Variants in CRTC1 observed in about 807,000 individuals in gnomAD.
CRTC1 encodes CREB regulated transcription coactivator 1.
Under a neutral mutation model 66.1 loss-of-function variants are expected in CRTC1, and 18 were observed. The observed-to-expected ratio is 0.27, with a 90% CI of 0.19 to 0.40. The LOEUF is 0.40. Ranked by LOEUF, CRTC1 falls within the 10% of genes least tolerant of loss-of-function variation. The probability of loss-of-function intolerance (pLI) is 1.00; values close to 1 mark genes in which losing one functional copy is unlikely to be tolerated. For missense variants in CRTC1, 669 were observed against 887.9 expected, an observed-to-expected ratio of 0.75 and a Z score of 3.13; for synonymous variants, 416 against 398.8, an observed-to-expected ratio of 1.04 and a Z score of -0.51.
chr19:18,724,367 G>A (rs745768076), intron 1 of CRTC1, among the ~76,000 whole-genome samples: 11 of 152,084 alleles, frequency 7.2e-5, no homozygotes, highest in Non-Finnish European at 1.5e-4. Context: ...CAAGGGACCT[G>A]GGGTGTTCAG....
intron 11 of CRTC1, among the ~76,000 whole-genome samples, chr19:18,773,573 C>T (rs1182078860): frequency 1.3e-5 from 2 of 152,178 alleles, no homozygotes; most frequent in Non-Finnish European, 2.9e-5. Context: ...ACCAGCTCTA[C>T]GACAGCCAGG....
chr19:18,747,196 C>A, intron 4 of CRTC1, 82 bp downstream of exon 4: 1 of 1,082,400 alleles, frequency 9.2e-7, no homozygotes, highest in Admixed American at 2.0e-5. Context: ...TGTGGAAAAG[C>A]AGGACACAGT....
intron 1 of CRTC1, among the ~76,000 whole-genome samples, chr19:18,736,083 G>A (rs2053990755): frequency 1.3e-5 from 2 of 152,216 alleles, no homozygotes; most frequent in African/African-American, 2.4e-5. Flanking sequence ...TGGGCTTCAC[G>A]CCAGCAGCAG....
At position 18,777,336 on chromosome 19, in the gene CRTC1, T is replaced by A; in HGVS notation, c.1859T>A (p.Leu620Gln). The change falls in exon 14 of 14, where the codon CTG becomes CAG. Residue 620 changes from leucine (L) to glutamine (Q), a missense_variant. Leu to Gln is a moderately radical substitution (Grantham distance 113, BLOSUM62 -2). This residue lies in a region of CRTC1 where 91 missense variants were observed against 99.1 expected (regional missense o/e 0.92). Transcript: ENST00000321949. The surrounding 1 kb of genome is among the most constrained non-coding windows in gnomAD (Gnocchi z 5.5). The part of the protein sequence containing the change: ...LHMLNDPDMV[L>Q]ADPATEDTFR... ...ATGCTCAACGACCCCGACATGGTTC[T>A]GGCCGACCCAGCCACCGAGGACACC... 6.2e-7 allele frequency: 1 copy of A among 1,609,206 alleles called. No homozygotes were observed. The highest frequency in any genetic ancestry group is 8.5e-7 in the Non-Finnish European group (1 of 1,179,936).
At chr19:18,750,662 C>T (rs1413254577) in intron 5 of CRTC1, among the ~76,000 whole-genome samples, 5 of 152,138 alleles carry the variant, frequency 3.3e-5, no homozygotes, top group Non-Finnish European at 7.4e-5. Context: ...GTATTGCTGC[C>T]GTTCACCGAG....
At chr19:18,716,417 A>G (rs1206242370) in intron 1 of CRTC1, among the ~76,000 whole-genome samples, 1 of 151,948 alleles carries the variant, frequency 6.6e-6, no homozygotes, top group African/African-American at 2.4e-5. Context: ...ACACCCAGCT[A>G]ATTTTTGTAT....
At position 18,759,141 on chromosome 19, in the gene CRTC1, TGCGG is replaced by T. The variant is rs1242437519; in HGVS notation, c.625-409_625-406del. ...GATCATGAGCTCAGGAGGTTGAGGC[TGCGG>T]CGAGCTGTGATCACACCACTGCACT... On this transcript the variant is annotated intron_variant, in intron 6 of 13. Transcript: ENST00000321949. 2.0e-5 allele frequency among the ~76,000 whole-genome samples: 3 copies of T among 152,156 alleles called. No individual in the cohort carries two copies. The East Asian group carries it at 5.8e-4, about 29-fold the overall frequency.
At chr19:18,716,860 C>T (rs1299249684) in intron 1 of CRTC1, among the ~76,000 whole-genome samples, 1 of 152,052 alleles carries the variant, frequency 6.6e-6, no homozygotes, top group African/African-American at 2.4e-5. Flanking sequence ...AGAAGAGGTG[C>T]TGGGACATGG....
At chr19:18,711,385 G>A (rs888794677) in intron 1 of CRTC1, among the ~76,000 whole-genome samples, 1 of 152,190 alleles carries the variant, frequency 6.6e-6, no homozygotes, top group Non-Finnish European at 1.5e-5. Context: ...TGCCTGGGCC[G>A]GGCGGGAGCT....
intron 1 of CRTC1, among the ~76,000 whole-genome samples, chr19:18,687,787 C>G (rs1364163377): frequency 6.6e-6 from 1 of 152,108 alleles, no homozygotes; most frequent in Non-Finnish European, 1.5e-5. Flanking sequence ...AAGACAGGGA[C>G]CTCACCAGGG....
chr19:18,718,864 G>A (rs562511591), intron 1 of CRTC1, among the ~76,000 whole-genome samples: 1 of 152,280 alleles, frequency 6.6e-6, no homozygotes, highest in South Asian at 2.1e-4. Context: ...TTGAGGAACC[G>A]CCATACAGAT....
At chr19:18,772,991 C>T (rs1408519622) in intron 11 of CRTC1, among the ~76,000 whole-genome samples, 4 of 152,104 alleles carry the variant, frequency 2.6e-5, no homozygotes, top group Non-Finnish European at 5.9e-5. Context: ...AATTAGGAGT[C>T]GAGCCAGTTT....
intron 1 of CRTC1, among the ~76,000 whole-genome samples, chr19:18,702,954 C>T (rs1555776508): frequency 6.7e-6 from 1 of 148,994 alleles, no homozygotes; most frequent in Non-Finnish European, 1.5e-5. Context: ...TGTCACAGTT[C>T]TTTTTTTTTT....
chr19:18,715,606 G>A (rs1205961375), intron 1 of CRTC1, among the ~76,000 whole-genome samples: 5 of 152,214 alleles, frequency 3.3e-5, no homozygotes, highest in Non-Finnish European at 5.9e-5. Context: ...GCCCAGCAGG[G>A]AGCTGCAGCC....
chr19:18,742,684 C>T (rs958121153), intron 1 of CRTC1, among the ~76,000 whole-genome samples: 3 of 152,262 alleles, frequency 2.0e-5, no homozygotes, highest in Admixed American at 2.0e-4. Flanking sequence ...CTGCATGGTG[C>T]ATTGCCCCGC....
chr19:18,698,664 G>A (rs542513436), intron 1 of CRTC1, among the ~76,000 whole-genome samples: 3 of 151,864 alleles, frequency 2.0e-5, no homozygotes, highest in African/African-American at 4.8e-5. Flanking sequence ...TACTCATCAG[G>A]TTCTCAGCAC....
chr19:18,707,752 T>C (rs761787212), intron 1 of CRTC1, among the ~76,000 whole-genome samples: 1 of 152,216 alleles, frequency 6.6e-6, no homozygotes, highest in East Asian at 1.9e-4. Context: ...CCCACCACTT[T>C]GGGAGGCCAA....
chr19:18,696,923 G>A (rs1263420108), intron 1 of CRTC1, among the ~76,000 whole-genome samples: 4 of 151,728 alleles, frequency 2.6e-5, no homozygotes, highest in African/African-American at 9.7e-5. Context: ...AGAATCACAG[G>A]GGAGGGGTGG....
intron 1 of CRTC1, among the ~76,000 whole-genome samples, chr19:18,736,359 T>A (rs2053996832): frequency 6.7e-6 from 1 of 150,318 alleles, no homozygotes; most frequent in South Asian, 2.1e-4. Context: ...AGGATCCAGG[T>A]ACATCCTGTG....
Sources: allele counts gnomAD v4.1 joint callset (sites outside exome capture counted in the v4.1 genomes callset), GRCh38; gene constraint gnomAD v4.1.1; regional missense constraint gnomAD v4.1.1; non-coding constraint Gnocchi (gnomAD v3.1); transcripts MANE v1.5; gene names NCBI Gene and HGNC (gene_info 2026-07-23, HGNC 2026-07-21).